ALDH9A1: variants seen among roughly 807,000 people sequenced by gnomAD.
ALDH9A1 encodes 4-trimethylaminobutyraldehyde dehydrogenase.
In ALDH9A1, 42 loss-of-function variants were observed where a neutral mutation model predicts 56.6. The ratio of observed to expected loss-of-function variants is 0.74; its 90% CI spans 0.58 to 0.96. The LOEUF is 0.96. Ranked by LOEUF, ALDH9A1 falls within the 40% of genes least tolerant of loss-of-function variation. ALDH9A1 has a pLI of 0.00. For synonymous variants in ALDH9A1, 242 were observed against 236.0 expected (o/e 1.03, Z -0.23); for missense variants, 661 against 651.5 (o/e 1.01, Z -0.16).
chr1:165,669,297 G>C lies in ALDH9A1; in HGVS notation c.1084C>G (p.Arg362Gly). Reference protein sequence around the residue: ...GPLINRPHLERVLGFVKVAKE... With the variant: ...GPLINRPHLEGVLGFVKVAKE... Reference sequence around the variant, plus strand: ...GCCACTTTGACAAACCCAAGGACTCGCTCCAGGTGTGGTCGGTTGATGAGT... The same window carrying C: ...GCCACTTTGACAAACCCAAGGACTCCCTCCAGGTGTGGTCGGTTGATGAGT... The change falls in exon 7 of 11, where the codon CGA becomes GGA. Residue 362 changes from arginine to glycine, a missense_variant. Coordinates refer to ENST00000354775, the MANE Select transcript of ALDH9A1 (RefSeq NM_000696.4). 2 of 1,609,234 alleles carry C rather than the reference G, an allele frequency of 1.2e-6. No homozygotes were observed. The highest frequency in any genetic ancestry group is 1.7e-6 in the Non-Finnish European group (2 of 1,178,656).
chr1:165,694,293 GGGAAACAAAAGAAAC>G (rs1233387544), intron 2 of ALDH9A1, among the ~76,000 whole-genome samples: 5 of 151,682 alleles, frequency 3.3e-5, no homozygotes, highest in African/African-American at 1.2e-4. Context: ...GTCAGATTCT[GGGAAACAAAAGAAAC>G]CTTTTGTTTC....
intron 2 of ALDH9A1, among the ~76,000 whole-genome samples, 168 bp downstream of exon 2, chr1:165,695,084 A>C (rs542730272): frequency 7.9e-5 from 12 of 152,358 alleles, no homozygotes; most frequent in African/African-American, 2.9e-4. Context: ...TCCAGATGGG[A>C]AGTATTGAAC....
At chr1:165,680,062 A>G (rs1271919939) in intron 5 of ALDH9A1, among the ~76,000 whole-genome samples, 1 of 130,270 alleles carries the variant, frequency 7.7e-6, no homozygotes, top group Non-Finnish European at 1.7e-5. Flanking sequence ...TGTCATAGCC[A>G]GAAATTCTTT....
intron 2 of ALDH9A1, among the ~76,000 whole-genome samples, chr1:165,691,667 G>A (rs1649894526): frequency 1.3e-5 from 2 of 152,186 alleles, no homozygotes; most frequent in Non-Finnish European, 2.9e-5. Flanking sequence ...AGATGAGCTG[G>A]TACTATTCCT....
intron 6 of ALDH9A1, among the ~76,000 whole-genome samples, chr1:165,676,133 C>A (rs12081903): frequency 0.34 from 51,755 of 152,024 alleles, 10,186 homozygotes; most frequent in Middle Eastern, 0.49. Flanking sequence ...GATATGTGCA[C>A]AGACATATAT....
chr1:165,680,777 T>C (rs1369270373), intron 4 of ALDH9A1, 94 bp from the exon 5 acceptor site: 9 of 1,206,120 alleles, frequency 7.5e-6, no homozygotes, highest in Middle Eastern at 2.0e-4. Flanking sequence ...ATGATTCCAA[T>C]TGTTTCCTCT....
In ALDH9A1 at chr1:165,679,471, G is replaced by C. The variant is rs1255101557; in HGVS notation, c.901C>G (p.Leu301Val). The change falls in exon 6 of 11, where the codon CTG becomes GTG. Residue 301 changes from leucine to valine, a missense_variant. Physicochemically the swap from Leu to Val is conservative, Grantham distance 32 (BLOSUM62 1). Transcript: ENST00000354775. ...CCTTGTGTGAGGAAGTTGGCCATCA[G>C]CGCCCCCTTTACAGCATTGTTCATA... ...CDMNNAVKGALMANFLTQGQV... is the reference protein window; with the variant it reads ...CDMNNAVKGAVMANFLTQGQV... The C allele has an allele frequency of 1.2e-6, 2 of 1,614,062 alleles. No homozygotes were observed. Among genetic ancestry groups the C allele is most frequent in the Non-Finnish European group, 1.7e-6 (2 of 1,180,040 alleles).
At chr1:165,696,368 C>T (rs1650083977) in intron 1 of ALDH9A1, among the ~76,000 whole-genome samples, 1 of 152,140 alleles carries the variant, frequency 6.6e-6, no homozygotes, top group Non-Finnish European at 1.5e-5. Context: ...AGTTTTGCAA[C>T]ACTCCTAAAC....
intron 1 of ALDH9A1, among the ~76,000 whole-genome samples, chr1:165,697,028 T>C (rs1269156938): frequency 3.3e-5 from 5 of 152,232 alleles, no homozygotes; most frequent in Admixed American, 3.3e-4. Flanking sequence ...ATCAGTTTTA[T>C]TGCTCTGGCT....
At chr1:165,690,280 G>A (rs986533613) in intron 2 of ALDH9A1, among the ~76,000 whole-genome samples, 2 of 151,300 alleles carry the variant, frequency 1.3e-5, no homozygotes, top group Non-Finnish European at 2.9e-5. Flanking sequence ...TCTCAGACCC[G>A]TCACAGTTTC....
intron 2 of ALDH9A1, among the ~76,000 whole-genome samples, chr1:165,684,264 G>T (rs1034987353): frequency 2.6e-5 from 4 of 152,126 alleles, no homozygotes; most frequent in African/African-American, 9.7e-5. Flanking sequence ...CCCTTTAAGA[G>T]CTTACTTCTA....
intron 6 of ALDH9A1, chr1:165,676,637 A>C (rs1011926349): frequency 5.7e-6 from 2 of 351,232 alleles, no homozygotes; most frequent in Non-Finnish European, 1.1e-5. Context: ...ATGAAAGAAG[A>C]TGATCAGAAA....
intron 6 of ALDH9A1, among the ~76,000 whole-genome samples, chr1:165,679,061 G>A (rs1309273378): frequency 1.3e-5 from 2 of 152,168 alleles, no homozygotes; most frequent in Non-Finnish European, 2.9e-5. Flanking sequence ...TTGAGTAAGG[G>A]CTATAGATTC....
rs1485530167 is a variant in ALDH9A1 at position 165,686,517 on chromosome 1, T to TAAA, written c.328-3408_328-3407insTTT. Among the ~76,000 whole-genome samples the TAAA allele has an allele frequency of 1.0e-4, 9 of 88,138 alleles. No individual in the cohort carries two copies. The East Asian group carries it at 0.012, about 121-fold the overall frequency. The allele number at this position is 88,138 out of a possible 152,430, so 57.8% of individuals were successfully genotyped here. On this transcript the variant is annotated intron_variant, in intron 2 of 10. Transcript: ENST00000354775. ...ACCCAAGAAGAAAATGTTTTTTTTTTTAAAAAAAAAAGCCCCAGAACTCAC... is the reference window on the plus strand; with the variant it reads ...ACCCAAGAAGAAAATGTTTTTTTTTTAAATAAAAAAAAAAGCCCCAGAACTCAC...
intron 2 of ALDH9A1, among the ~76,000 whole-genome samples, chr1:165,690,982 T>A (rs1278290646): frequency 1.3e-5 from 2 of 152,174 alleles, no homozygotes; most frequent in Non-Finnish European, 2.9e-5. Context: ...GACTTAAACG[T>A]CCCTGTCTGA....
At chr1:165,678,274 C>T (rs1336316789) in intron 6 of ALDH9A1, among the ~76,000 whole-genome samples, 2 of 152,126 alleles carry the variant, frequency 1.3e-5, no homozygotes, top group Non-Finnish European at 2.9e-5. Context: ...GCAGAGGATG[C>T]AGTGAGCCGA....
At chr1:165,669,111 C>T in intron 7 of ALDH9A1, 98 bp from the exon 8 acceptor site, 1 of 1,334,736 alleles carries the variant, frequency 7.5e-7, no homozygotes. Context: ...ATAGTCTTCC[C>T]AGTGCAGGTA....
chr1:165,679,629 T>C (rs779389919), intron 5 of ALDH9A1, 47 bp from the exon 6 acceptor site: 6 of 1,606,634 alleles, frequency 3.7e-6, no homozygotes, highest in South Asian at 1.1e-5. Context: ...ACAAATTATA[T>C]TGCATGCTAA....
chr1:165,665,161 TGA>T (rs772630418), intron 9 of ALDH9A1, 31 bp from the exon 10 acceptor site: 1 of 1,575,414 alleles, frequency 6.3e-7, no homozygotes, highest in South Asian at 1.1e-5. Context: ...TGTGCATTAT[TGA>T]GAGTTTCTTA....
Sources: allele counts gnomAD v4.1 joint callset (sites outside exome capture counted in the v4.1 genomes callset), GRCh38; gene constraint gnomAD v4.1.1; transcripts MANE v1.5; gene names NCBI Gene and HGNC (gene_info 2026-07-23, HGNC 2026-07-21).